The following SAMD3 variants were observed in gnomAD, a reference collection of about 807,000 sequenced individuals.
SAMD3 encodes the protein sterile alpha motif domain-containing protein 3.
A neutral mutation model predicts 58.5 loss-of-function variants in SAMD3; 63 were observed. The ratio of observed to expected loss-of-function variants is 1.08; its 90% CI spans 0.88 to 1.33. The LOEUF is 1.33. Ranked by LOEUF, SAMD3 falls within the 40% of genes most tolerant of loss-of-function variation. The pLI is 0.00. For missense variants in SAMD3, 604 were observed against 608.4 expected (o/e 0.99, Z 0.08); for synonymous variants, 220 against 210.3 (o/e 1.05, Z -0.40).
At chr6:130,245,173 A>G (rs1052644040) in intron 2 of SAMD3, among the ~76,000 whole-genome samples, 3 of 152,210 alleles carry the variant, frequency 2.0e-5, no homozygotes, top group African/African-American at 7.2e-5. Context: ...TATAAGAACT[A>G]AAGTTGTGTG....
At chr6:130,272,470 T>TC (rs1214987514) in intron 2 of SAMD3, among the ~76,000 whole-genome samples, 1 of 152,014 alleles carries the variant, frequency 6.6e-6, no homozygotes, top group Non-Finnish European at 1.5e-5. Context: ...AACAGCCACC[T>TC]CCCCCAAAAT....
chr6:130,308,979 A>G (rs1362343047), intron 2 of SAMD3, among the ~76,000 whole-genome samples: 1 of 152,222 alleles, frequency 6.6e-6, no homozygotes, highest in Non-Finnish European at 1.5e-5. Flanking sequence ...GAGAATTTAA[A>G]TAACTTCACC....
intron 2 of SAMD3, among the ~76,000 whole-genome samples, chr6:130,298,691 A>T (rs1355263533): frequency 6.6e-6 from 1 of 152,220 alleles, no homozygotes; most frequent in Non-Finnish European, 1.5e-5. Context: ...AGAGTGGCAC[A>T]TTGGGCAGAA....
chr6:130,346,433 C>A (rs142332630), intron 1 of SAMD3, among the ~76,000 whole-genome samples: 15,955 of 152,302 alleles, frequency 0.1, 990 homozygotes, highest in Admixed American at 0.14. Flanking sequence ...TATCCTGTGC[C>A]TGGCTTGGAG....
intron 2 of SAMD3, among the ~76,000 whole-genome samples, chr6:130,287,593 A>G (rs776296282): frequency 1.3e-5 from 2 of 152,166 alleles, no homozygotes; most frequent in Non-Finnish European, 2.9e-5. Flanking sequence ...AGAACACACA[A>G]GGGAGAGAAG....
chr6:130,206,942 G>C (rs545519291), intron 5 of SAMD3, among the ~76,000 whole-genome samples: 123 of 152,154 alleles, frequency 8.1e-4, no homozygotes, highest in Non-Finnish European at 1.4e-3. Flanking sequence ...GGCTTAGAAA[G>C]GAGAAAAGAG....
chr6:130,162,171 T>C (rs1370966400), intron 8 of SAMD3: 8 of 675,934 alleles, frequency 1.2e-5, no homozygotes, highest in African/African-American at 1.8e-5. Flanking sequence ...TTTGGCAACA[T>C]AGAGTGTGGT....
intron 2 of SAMD3, among the ~76,000 whole-genome samples, chr6:130,261,003 A>G (rs1013052898): frequency 6.6e-6 from 1 of 151,978 alleles, no homozygotes; most frequent in African/African-American, 2.4e-5. Flanking sequence ...GAATTGCTTG[A>G]CAGGACTGGT....
chr6:130,260,248 C>A (rs1173943229), intron 2 of SAMD3, among the ~76,000 whole-genome samples: 2 of 152,204 alleles, frequency 1.3e-5, no homozygotes, highest in Non-Finnish European at 2.9e-5. Context: ...GACCTGAAAC[C>A]AGGCCTGGGC....
chr6:130,171,407 A>G (rs1472670748), intron 8 of SAMD3, among the ~76,000 whole-genome samples: 10 of 151,858 alleles, frequency 6.6e-5, no homozygotes, highest in Admixed American at 6.6e-4. Context: ...CTTCTGGTAC[A>G]TTGTATCTTT....
chr6:130,288,415 T>C (rs1775241115), intron 2 of SAMD3, among the ~76,000 whole-genome samples: 1 of 152,100 alleles, frequency 6.6e-6, no homozygotes, highest in Non-Finnish European at 1.5e-5. Flanking sequence ...GGAGAGTAAT[T>C]TGTTTACTCA....
chr6:130,144,721 C>T lies in SAMD3; in HGVS notation c.1362G>A (p.Glu454=). The T allele has an allele frequency of 6.2e-7, 1 of 1,614,098 alleles. No individual in the cohort carries two copies. Among genetic ancestry groups the T allele is most frequent in the South Asian group, 1.1e-5 (1 of 91,040 alleles). Residue 454 remains glutamate, a synonymous_variant, in exon 12 of 12, where the codon GAG becomes GAA. Coordinates refer to ENST00000439090, the MANE Select transcript of SAMD3 (RefSeq NM_001017373.4). ...VCEFSLYLER[E]RLTKVDDCVT... ...CACAGTCGTCCACCTTTGTGAGCCT[C>T]TCCCTTTCTAAATATAAAGAAAATT...
chr6:130,261,365 A>G (rs1174606171), intron 2 of SAMD3, among the ~76,000 whole-genome samples: 1 of 150,806 alleles, frequency 6.6e-6, no homozygotes, highest in Non-Finnish European at 1.5e-5. Flanking sequence ...ATTGCTTGAC[A>G]GGACCGGTCT....
intron 5 of SAMD3, among the ~76,000 whole-genome samples, chr6:130,190,316 A>G (rs948774506): frequency 1.1e-4 from 1 of 8,888 alleles, no homozygotes; most frequent in African/African-American, 2.0e-3. Context: ...TGTAACGTAC[A>G]AAAAAAAAAC....
intron 8 of SAMD3, chr6:130,160,758 A>C (rs1426458962): frequency 6.6e-6 from 1 of 152,200 alleles, no homozygotes; most frequent in African/African-American, 2.4e-5. Flanking sequence ...AAGGGAGAAA[A>C]TTATAGGAGC....
rs371939763 is a variant in SAMD3, at chr6:130,249,334, A to C, written c.-187-26521T>G. The stretch of plus-strand genomic sequence containing the variant: ...ATGGCTTTCTGTTAATTTTGTTTTT[A>C]TTTTTTTTCTTGAATACATCCAAAG... On this transcript the variant is annotated intron_variant, in intron 2 of 13. Transcript: ENST00000368134. Among the ~76,000 whole-genome samples the C allele has an allele frequency of 2.6e-5, 4 of 151,730 alleles. 1 individual carries two copies.
chr6:130,184,034 CT>C, intron 7 of SAMD3, 68 bp downstream of exon 7: 1 of 1,211,488 alleles, frequency 8.3e-7, no homozygotes, highest in African/African-American at 1.5e-5. Flanking sequence ...CATAAAATTA[CT>C]GGGCAACACA....
chr6:130,265,834 A>G (rs780864530), intron 2 of SAMD3, among the ~76,000 whole-genome samples: 3 of 152,220 alleles, frequency 2.0e-5, no homozygotes, highest in Non-Finnish European at 4.4e-5. Flanking sequence ...ATTAATAGTA[A>G]TAAGTTAGAA....
At chr6:130,227,557 G>A (rs1441447835), upstream of SAMD3, among the ~76,000 whole-genome samples, 1 of 152,122 alleles carries the variant, frequency 6.6e-6, no homozygotes, top group African/African-American at 2.4e-5. Flanking sequence ...AGAGGCCAAG[G>A]TGGGTGGATT....
Sources: gnomAD v4.1 joint callset for allele counts (sites outside exome capture counted in the v4.1 genomes callset) on GRCh38, gnomAD v4.1.1 for gene constraint, MANE v1.5 for transcripts, NCBI Gene and HGNC (gene_info 2026-07-23, HGNC 2026-07-21) for gene names.